The following EIF4G3 variants were observed in gnomAD, a reference collection of about 807,000 sequenced individuals.
EIF4G3 encodes the protein eukaryotic translation initiation factor 4 gamma 3, also known as eIF-4-gamma 3.
Under a neutral mutation model 186.4 loss-of-function variants are expected in EIF4G3, and 34 were observed. The observed-to-expected ratio is 0.18, with a 90% CI of 0.14 to 0.24. EIF4G3 has a LOEUF of 0.24. Ranked by LOEUF, EIF4G3 falls within the 10% of genes least tolerant of loss-of-function variation. The pLI is 1.00. For synonymous variants in EIF4G3, 673 were observed against 679.5 expected, an observed-to-expected ratio of 0.99 and a Z score of 0.15; for missense variants, 1,536 against 1,948.5, an observed-to-expected ratio of 0.79 and a Z score of 3.99.
At chr1:21,162,958 C>A (rs920554594) in intron 2 of EIF4G3, among the ~76,000 whole-genome samples, 9 of 152,102 alleles carry the variant, frequency 5.9e-5, no homozygotes, top group Non-Finnish European at 8.8e-5. Context: ...CCTAACCTCC[C>A]CTCAGCCTCT....
chr1:20,982,004 T>C (rs570084684), intron 8 of EIF4G3, among the ~76,000 whole-genome samples: 121 of 152,336 alleles, frequency 7.9e-4, no homozygotes, highest in African/African-American at 2.8e-3. Context: ...GGAATCTCTT[T>C]GATCATAAAA....
intron 2 of EIF4G3, among the ~76,000 whole-genome samples, chr1:21,101,452 C>G (rs1051639710): frequency 6.7e-6 from 1 of 148,930 alleles, no homozygotes; most frequent in Admixed American, 6.8e-5. Flanking sequence ...ATCAGTAATT[C>G]CAAGCTACTC....
intron 2 of EIF4G3, among the ~76,000 whole-genome samples, chr1:21,089,987 T>C (rs1475198653): frequency 1.3e-5 from 2 of 152,216 alleles, no homozygotes; most frequent in African/African-American, 2.4e-5. Context: ...CAGCTTTTCA[T>C]AGTGCTACTT....
intron 7 of EIF4G3, 95 bp from the exon 8 acceptor site, chr1:20,982,503 CT>C (rs1201087162): frequency 1.2e-6 from 1 of 809,868 alleles, no homozygotes; most frequent in Non-Finnish European, 1.8e-6. Context: ...TAGCATGCAG[CT>C]CAACAAAAAT....
At chr1:21,128,665 T>C (rs957870024) in intron 2 of EIF4G3, among the ~76,000 whole-genome samples, 1 of 152,246 alleles carries the variant, frequency 6.6e-6, no homozygotes, top group Non-Finnish European at 1.5e-5. Context: ...TAGCTCGAGT[T>C]ATTTTTTAAT....
chr1:21,127,256 C>T (rs1342497852), intron 2 of EIF4G3, among the ~76,000 whole-genome samples: 1 of 152,148 alleles, frequency 6.6e-6, no homozygotes, highest in Non-Finnish European at 1.5e-5. Flanking sequence ...GGATTACAGG[C>T]GTGATCTACC....
At chr1:20,853,537 G>T in intron 27 of EIF4G3, 23 bp downstream of exon 27, 1 of 1,525,414 alleles carries the variant, frequency 6.6e-7, no homozygotes, top group Non-Finnish European at 9.1e-7. Flanking sequence ...GCCTTGAGTA[G>T]ACATAAAAAG....
rs573481358 is a variant in EIF4G3, at chr1:20,908,815, CAT to C, written c.1664-3846_1664-3845del. Among the ~76,000 whole-genome samples, 282 of 152,148 alleles carry C rather than the reference CAT, an allele frequency of 1.9e-3. 2 individuals are homozygous for C. The highest frequency in any genetic ancestry group is 5.6e-3 in the African/African-American group (232 of 41,510). ...AACTTACCGGTTTTTATAAAACCCA[CAT>C]GTGTTTTTAAAAATAGTTTTCCCTG... On this transcript the variant is annotated intron_variant, in intron 14 of 36. Transcript: ENST00000602326.
intron 4 of EIF4G3, among the ~76,000 whole-genome samples, chr1:21,024,279 G>T (rs943438940): frequency 2.0e-5 from 3 of 150,224 alleles, no homozygotes; most frequent in Non-Finnish European, 4.5e-5. Context: ...GCCTCTGCCC[G>T]GCCGCCCCTA....
intron 2 of EIF4G3, among the ~76,000 whole-genome samples, chr1:21,118,692 A>G (rs1572833898): frequency 6.6e-6 from 1 of 151,862 alleles, no homozygotes; most frequent in East Asian, 1.9e-4. Flanking sequence ...AGGCTGAGGA[A>G]GGAGAATCAC....
chr1:21,000,753 G>A (rs2083328457), intron 6 of EIF4G3, among the ~76,000 whole-genome samples: 1 of 152,132 alleles, frequency 6.6e-6, no homozygotes, highest in Non-Finnish European at 1.5e-5. Flanking sequence ...GTAATGGGGT[G>A]GGTAATGGTC....
intron 2 of EIF4G3, among the ~76,000 whole-genome samples, chr1:21,143,528 A>C (rs1307228003): frequency 6.6e-6 from 1 of 152,250 alleles, no homozygotes; most frequent in East Asian, 1.9e-4. Flanking sequence ...GGAGGTGTGC[A>C]ACTACAGGGA....
intron 2 of EIF4G3, among the ~76,000 whole-genome samples, chr1:21,128,902 G>C (rs1212331699): frequency 6.6e-6 from 1 of 152,150 alleles, no homozygotes; most frequent in Admixed American, 6.6e-5. Flanking sequence ...AAGGAGAAAA[G>C]GCCACATAAT....
At chr1:20,848,157 G>A (rs1028931078) in intron 29 of EIF4G3, among the ~76,000 whole-genome samples, 2 of 151,868 alleles carry the variant, frequency 1.3e-5, no homozygotes, top group Non-Finnish European at 1.5e-5. Context: ...TGTAGAGATG[G>A]GGCTTTATCA....
intron 31 of EIF4G3, among the ~76,000 whole-genome samples, 189 bp downstream of exon 31, chr1:20,828,958 A>G (rs1372550188): frequency 2.0e-5 from 3 of 152,226 alleles, no homozygotes; most frequent in African/African-American, 7.2e-5. Context: ...TCATATCCCC[A>G]GAATATCTCA....
At chr1:20,862,363 T>C in intron 22 of EIF4G3, 31 bp from the exon 23 acceptor site, 2 of 1,300,602 alleles carry the variant, frequency 1.5e-6, no homozygotes, top group South Asian at 1.3e-5. Context: ...AGTACTCCTG[T>C]CTGAGAAACT....
intron 2 of EIF4G3, among the ~76,000 whole-genome samples, chr1:21,110,461 A>G (rs1572700126): frequency 6.6e-6 from 1 of 151,922 alleles, no homozygotes; most frequent in South Asian, 2.1e-4. Flanking sequence ...CGCCCAGCTA[A>G]TTTTTTGTAT....
intron 2 of EIF4G3, among the ~76,000 whole-genome samples, chr1:21,153,266 C>T (rs1243893717): frequency 1.3e-5 from 2 of 152,144 alleles, no homozygotes; most frequent in Non-Finnish European, 2.9e-5. Flanking sequence ...GACTCTTAGA[C>T]AGACAAAAGT....
chr1:21,059,866 A>G (rs1346182719), intron 3 of EIF4G3, among the ~76,000 whole-genome samples: 1 of 152,244 alleles, frequency 6.6e-6, no homozygotes, highest in Non-Finnish European at 1.5e-5. Context: ...TGAAAAAATA[A>G]ACGAATAAGA....
Sources: gnomAD v4.1 joint callset for allele counts (sites outside exome capture counted in the v4.1 genomes callset) on GRCh38, gnomAD v4.1.1 for gene constraint, MANE v1.5 for transcripts, NCBI Gene and HGNC (gene_info 2026-07-23, HGNC 2026-07-21) for gene names.